Variants in UBE2D3 observed in about 807,000 individuals in gnomAD.
UBE2D3 encodes ubiquitin conjugating enzyme E2 D3.
In UBE2D3, 2 loss-of-function variants were observed where a neutral mutation model predicts 22.8. The observed-to-expected ratio is 0.09, with a 90% CI of 0.04 to 0.28. The LOEUF is 0.28. Ranked by LOEUF, UBE2D3 falls within the 10% of genes least tolerant of loss-of-function variation. The probability of loss-of-function intolerance (pLI) is 1.00; values close to 1 mark genes in which losing one functional copy is unlikely to be tolerated. For missense variants in UBE2D3, 27 were observed against 182.5 expected (o/e 0.15, Z 4.91); for synonymous variants, 56 against 60.4 (o/e 0.93, Z 0.34).
rs1314418597 is a variant in UBE2D3 at position 102,802,657 on chromosome 4, G to A, written c.121-19C>T. ...TGTCATTCTGTAAAAAGAAAAGTAT[G>A]CTTAACTCAAATTTAAAATATTATT... On this transcript the variant is annotated intron_variant, in intron 4 of 7. Transcript: ENST00000453744. 2 of 1,556,618 alleles carry A rather than the reference G, an allele frequency of 1.3e-6. No homozygotes were observed. The highest frequency in any genetic ancestry group is 2.3e-5 in the East Asian group (1 of 43,906).
intron 1 of UBE2D3, among the ~76,000 whole-genome samples, chr4:102,863,393 G>GT (rs1732994579): frequency 6.6e-6 from 1 of 152,026 alleles, no homozygotes; most frequent in Non-Finnish European, 1.5e-5. Flanking sequence ...AGCGAACAGA[G>GT]TAAGAACTAA....
intron 2 of UBE2D3, chr4:102,825,890 C>T: frequency 2.4e-6 from 1 of 420,510 alleles, no homozygotes; most frequent in Non-Finnish European, 4.8e-6. Context: ...AACACTGTGT[C>T]ATTCCATCTC....
intron 1 of UBE2D3, among the ~76,000 whole-genome samples, chr4:102,841,820 T>G (rs1731770170): frequency 6.6e-6 from 1 of 152,184 alleles, no homozygotes; most frequent in Non-Finnish European, 1.5e-5. Flanking sequence ...TTCATTACAC[T>G]ATGATGCCTC....
chr4:102,797,250 T>A lies in UBE2D3; in HGVS notation c.*165A>T. The A allele has an allele frequency of 1.9e-6, 1 of 534,726 alleles. No homozygotes were observed. The highest frequency in any genetic ancestry group is 3.3e-6 in the Non-Finnish European group (1 of 303,102). The allele number at this position is 534,726 out of a possible 1,614,324, so 33.1% of individuals were successfully genotyped here. On this transcript the variant is annotated 3_prime_UTR_variant, in exon 8 of 8. Transcript: ENST00000453744. The stretch of plus-strand genomic sequence containing the variant: ...TTGTCCAAAGCTGGAAGAACTTAAG[T>A]CTTCTCAGATGAGCATGTGAATGAA...
At chr4:102,847,947 C>T (rs572439520) in intron 1 of UBE2D3, among the ~76,000 whole-genome samples, 3 of 152,236 alleles carry the variant, frequency 2.0e-5, no homozygotes, top group East Asian at 3.9e-4. Flanking sequence ...CCCCTTAACC[C>T]ACGTATGCCT....
At chr4:102,809,887 T>A (rs1216714006) in intron 2 of UBE2D3, 32 bp from the exon 3 acceptor site, 1 of 1,592,078 alleles carries the variant, frequency 6.3e-7, no homozygotes. Flanking sequence ...GTGAGTCACA[T>A]AAGCTTAATT....
intron 7 of UBE2D3, among the ~76,000 whole-genome samples, chr4:102,798,277 T>A (rs170565): frequency 1.3e-4 from 16 of 127,750 alleles, no homozygotes; most frequent in South Asian, 4.9e-4. Context: ...CCTTAAGAAA[T>A]GAATATATAT....
intron 1 of UBE2D3, among the ~76,000 whole-genome samples, chr4:102,845,488 G>T (rs1034298570): frequency 1.3e-5 from 2 of 152,110 alleles, no homozygotes; most frequent in Admixed American, 6.6e-5. Flanking sequence ...GGAACAATTC[G>T]TTGTATACAG....
chr4:102,851,488 C>A (rs1337835342), intron 1 of UBE2D3, among the ~76,000 whole-genome samples: 1 of 152,170 alleles, frequency 6.6e-6, no homozygotes, highest in South Asian at 2.1e-4. Flanking sequence ...TTTTAAGCCA[C>A]TGTTTTGGAA....
intron 4 of UBE2D3, among the ~76,000 whole-genome samples, chr4:102,803,531 AAAAT>A (rs1349380454): frequency 2.0e-5 from 3 of 152,236 alleles, no homozygotes; most frequent in African/African-American, 4.8e-5. Flanking sequence ...ACCCTTCTGT[AAAAT>A]AAATAAACAT....
At chr4:102,816,661 T>C (rs1031594985) in intron 2 of UBE2D3, among the ~76,000 whole-genome samples, 2 of 152,236 alleles carry the variant, frequency 1.3e-5, no homozygotes, top group Non-Finnish European at 2.9e-5. Flanking sequence ...TTTTTGAGTT[T>C]TGCTGAAAAA....
At position 102,827,063 on chromosome 4, in the gene UBE2D3, G is replaced by A. The variant is rs539768461; in HGVS notation, c.-129+364C>T. 84 of 990,176 alleles carry A rather than the reference G, an allele frequency of 8.5e-5. 1 individual carries two copies. In the South Asian group the frequency reaches 2.3e-3, roughly 27 times the overall value. 61.3% of individuals were successfully genotyped at this position (990,176 alleles called of 1,614,324 possible). A position where few individuals can be genotyped will look rare whatever the true frequency, so the allele number is the denominator to read the frequency against. On this transcript the variant is annotated intron_variant, in intron 1 of 7. Transcript: ENST00000453744. Reference sequence around the variant, plus strand: ...CTGTCCAAAGGTGCGGCCGGGAAAAGGAAGGAAATAAAGGAAGGGAGACTT... The same window carrying A: ...CTGTCCAAAGGTGCGGCCGGGAAAAAGAAGGAAATAAAGGAAGGGAGACTT...
At chr4:102,811,419 C>A in intron 2 of UBE2D3, 1 of 156,740 alleles carries the variant, frequency 6.4e-6, no homozygotes, top group Non-Finnish European at 1.4e-5. Flanking sequence ...CAGTGGCTCA[C>A]GCCCGTAATC....
intron 1 of UBE2D3, among the ~76,000 whole-genome samples, chr4:102,867,422 G>C (rs749779293): frequency 3.9e-5 from 6 of 152,118 alleles, no homozygotes; most frequent in Non-Finnish European, 5.9e-5. Flanking sequence ...TAAATAATGA[G>C]GCATATTATT....
At chr4:102,826,962 G>A (rs1292528225) in intron 1 of UBE2D3, 3 of 1,000,922 alleles carry the variant, frequency 3.0e-6, no homozygotes, top group African/African-American at 1.7e-5. Context: ...CTATACCGGC[G>A]TCACTAGGGC....
intron 1 of UBE2D3, among the ~76,000 whole-genome samples, chr4:102,863,252 T>C (rs971378871): frequency 1.3e-5 from 2 of 152,072 alleles, no homozygotes; most frequent in African/African-American, 4.8e-5. Flanking sequence ...GGTTTCACTA[T>C]GTTGGCCAGT....
chr4:102,809,047 T>A lies in UBE2D3; in HGVS notation c.120+625A>T, dbSNP rs74820287. On this transcript the variant is annotated intron_variant, in intron 4 of 7. Coordinates refer to ENST00000453744, the MANE Select transcript of UBE2D3 (RefSeq NM_181891.3). ...TAAAAAAAAAAAAAAAGTTAAATAT[T>A]TGTGTAAGATACAGTCTTACCCCAG... 3.3e-4 allele frequency: 55 copies of A among 168,350 alleles called. No individual in the cohort carries two copies. In the East Asian group the frequency reaches 9.9e-3, roughly 30 times the overall value. The allele number at this position is 168,350 out of a possible 1,614,324, so 10.4% of individuals were successfully genotyped here.
At chr4:102,821,322 T>C (rs1195934250) in intron 2 of UBE2D3, among the ~76,000 whole-genome samples, 1 of 152,180 alleles carries the variant, frequency 6.6e-6, no homozygotes, top group African/African-American at 2.4e-5. Context: ...CCTCCCCTAC[T>C]AGATCTAATA....
intron 4 of UBE2D3, among the ~76,000 whole-genome samples, chr4:102,806,119 A>C (rs1726995141): frequency 6.6e-6 from 1 of 152,210 alleles, no homozygotes; most frequent in Non-Finnish European, 1.5e-5. Context: ...CCTGCTTGAA[A>C]TCTATGATAG....
Sources: gnomAD v4.1 joint callset for allele counts (sites outside exome capture counted in the v4.1 genomes callset) on GRCh38, gnomAD v4.1.1 for gene constraint, MANE v1.5 for transcripts, NCBI Gene and HGNC (gene_info 2026-07-23, HGNC 2026-07-21) for gene names.